Variants in PIEZO2 observed in about 807,000 individuals in gnomAD.
PIEZO2 encodes the protein piezo-type mechanosensitive ion channel component 2.
In PIEZO2, 172 loss-of-function variants were observed where a neutral mutation model predicts 337.3. The ratio of observed to expected loss-of-function variants is 0.51; its 90% CI spans 0.45 to 0.58. PIEZO2 has a LOEUF of 0.58. PIEZO2 is among the 20% of genes least tolerant of loss of function. The pLI is 0.00. For missense variants in PIEZO2, 3,028 were observed against 3,391.3 expected (o/e 0.89, Z 2.66); for synonymous variants, 1,251 against 1,228.5 (o/e 1.02, Z -0.38).
At chr18:10,838,153 T>C (rs2144586780) in intron 7 of PIEZO2, among the ~76,000 whole-genome samples, 1 of 152,328 alleles carries the variant, frequency 6.6e-6, no homozygotes, top group South Asian at 2.1e-4. Flanking sequence ...CTCCATTTCT[T>C]GTGGCATCCC....
At position 10,993,513 on chromosome 18, in the gene PIEZO2, T is replaced by TTTGTTG. The variant is rs143536796; in HGVS notation, c.161-13859_161-13854dup. On this transcript the variant is annotated intron_variant, in intron 2 of 55. Coordinates refer to ENST00000674853, the MANE Select transcript of PIEZO2 (RefSeq NM_001378183.1). This position sits in a 1 kb window ranked among gnomAD's most constrained non-coding sequence, Gnocchi z 5.0. The stretch of plus-strand genomic sequence containing the variant: ...TTCTGTTTATGTGATAGATTACGTT[T>TTTGTTG]TTGTTGTTGTTGTTGTTGTTGTTGT... 5.7e-4 allele frequency among the ~76,000 whole-genome samples: 86 copies of TTTGTTG among 151,728 alleles called. No homozygotes were observed. Among genetic ancestry groups the TTTGTTG allele is most frequent in the African/African-American group, 1.6e-3 (67 of 41,324 alleles).
chr18:10,946,339 C>T (rs2145283501), intron 3 of PIEZO2, among the ~76,000 whole-genome samples: 1 of 152,148 alleles, frequency 6.6e-6, no homozygotes. Flanking sequence ...AGGAGAAAAA[C>T]AAAATATATG....
intron 1 of PIEZO2, among the ~76,000 whole-genome samples, chr18:11,086,039 C>T (rs184538289): frequency 1.3e-4 from 20 of 152,104 alleles, no homozygotes; most frequent in African/African-American, 3.9e-4. Flanking sequence ...AATAAATATA[C>T]GTTGTATGTA....
intron 11 of PIEZO2, among the ~76,000 whole-genome samples, chr18:10,799,972 CAAA>C (rs34096733): frequency 1.3e-3 from 162 of 128,252 alleles, no homozygotes; most frequent in East Asian, 5.5e-3. Flanking sequence ...GACTCTGTCT[CAAA>C]AAAAAAAAAA....
At chr18:11,064,449 C>CT (rs977476583) in intron 2 of PIEZO2, among the ~76,000 whole-genome samples, 63 of 152,148 alleles carry the variant, frequency 4.1e-4, no homozygotes, top group African/African-American at 1.5e-3. Context: ...TGTTTGTGCT[C>CT]TGTTTGTGCA....
At chr18:10,887,065 C>CTTTTTTT (rs143421507) in intron 4 of PIEZO2, among the ~76,000 whole-genome samples, 2 of 91,406 alleles carry the variant, frequency 2.2e-5, no homozygotes, top group African/African-American at 4.4e-5. Flanking sequence ...AGGTGACACA[C>CTTTTTTT]TTTTTTTTTT....
intron 23 of PIEZO2, among the ~76,000 whole-genome samples, chr18:10,761,793 T>C (rs2038145744): frequency 6.6e-6 from 1 of 152,208 alleles, no homozygotes; most frequent in African/African-American, 2.4e-5. Context: ...GGCTGCTTAA[T>C]ACATTTAAAA....
At chr18:11,076,689 C>T (rs1048886087) in intron 1 of PIEZO2, among the ~76,000 whole-genome samples, 44 of 152,158 alleles carry the variant, frequency 2.9e-4, no homozygotes, top group African/African-American at 8.2e-4. Context: ...ATATATATAA[C>T]TTCACATCAT....
chr18:10,694,843 A>G (rs912008662), intron 47 of PIEZO2, among the ~76,000 whole-genome samples: 1 of 62,264 alleles, frequency 1.6e-5, no homozygotes, highest in Non-Finnish European at 3.9e-5. Context: ...CCTAAAAACA[A>G]TAAATAAATA....
At position 10,726,649 on chromosome 18, in the gene PIEZO2, C is replaced by T; in HGVS notation, c.5029+4758G>A. On this transcript the variant is annotated intron_variant, in intron 36 of 55. Transcript: ENST00000674853. The surrounding 1 kb of genome is among the most constrained non-coding windows in gnomAD (Gnocchi z 5.9). ...CTGGGAGTACTGCGCGCGCGCCAAG[C>T]GCGGCCAGACAGACACCTCGCTGCC... 7 of 1,408,358 alleles carry T rather than the reference C, an allele frequency of 5.0e-6. No individual in the cohort carries two copies. Among genetic ancestry groups the T allele is most frequent in the Non-Finnish European group, 6.7e-6 (7 of 1,038,542 alleles). The allele number at this position is 1,408,358 out of a possible 1,614,324, so 87.2% of individuals were successfully genotyped here. A position where few individuals can be genotyped will look rare whatever the true frequency, so the allele number is the denominator to read the frequency against.
intron 37 of PIEZO2, among the ~76,000 whole-genome samples, chr18:10,717,445 C>T (rs544356151): frequency 5.6e-4 from 80 of 142,194 alleles, no homozygotes; most frequent in African/African-American, 1.1e-3. Context: ...AAGAGCCTGA[C>T]GCCTGGCCTG....
At chr18:10,745,690 T>C (rs2037395216) in intron 30 of PIEZO2, among the ~76,000 whole-genome samples, 1 of 152,186 alleles carries the variant, frequency 6.6e-6, no homozygotes, top group Admixed American at 6.6e-5. Context: ...TTGCCATCTC[T>C]CAAACCTGAA....
rs2040882747 is a variant in PIEZO2 at position 11,148,977 on chromosome 18, CAAG to C, written c.-392_-390del. 3.3e-5 allele frequency among the ~76,000 whole-genome samples: 5 copies of C among 152,156 alleles called. No individual in the cohort carries two copies. In the East Asian group the frequency reaches 9.7e-4, roughly 30 times the overall value. ...GAGGCGGCGCGGCGAGCAAAGGGGGCAAGAAGGGCGTGCTGTGCTCCCGCCTGG... is the reference window on the plus strand; with the variant it reads ...GAGGCGGCGCGGCGAGCAAAGGGGGCAAGGGCGTGCTGTGCTCCCGCCTGG... On this transcript the variant is annotated 5_prime_UTR_variant, in exon 1 of 56. Coordinates refer to ENST00000674853, the MANE Select transcript of PIEZO2 (RefSeq NM_001378183.1). The surrounding 1 kb of genome is among the most constrained non-coding windows in gnomAD (Gnocchi z 5.2).
chr18:10,691,796 TATATAGAG>T (rs2034857761), intron 47 of PIEZO2, among the ~76,000 whole-genome samples: 1 of 58,454 alleles, frequency 1.7e-5, no homozygotes, highest in Non-Finnish European at 3.4e-5. Context: ...TATATATATA[TATATAGAG>T]AGAGAGAGAG....
rs1320112557 is a variant in PIEZO2 at position 11,126,866 on chromosome 18, A to G, written c.64+21659T>C. ...CTGCATTTTACAGATGAGGAAACAG[A>G]GACTGAAATGAATGGAGGAATGAAT... On this transcript the variant is annotated intron_variant, in intron 1 of 55. Transcript: ENST00000674853. The surrounding 1 kb of genome is among the most constrained non-coding windows in gnomAD (Gnocchi z 4.6). Among the ~76,000 whole-genome samples, 1 of 152,096 alleles carries G rather than the reference A, an allele frequency of 6.6e-6. No homozygotes were observed. Among genetic ancestry groups the G allele is most frequent in the African/African-American group, 2.4e-5 (1 of 41,416 alleles).
chr18:11,032,809 G>T lies in PIEZO2; in HGVS notation c.160+33318C>A, dbSNP rs917281174. Among the ~76,000 whole-genome samples the T allele has an allele frequency of 1.3e-5, 2 of 152,130 alleles. No individual in the cohort carries two copies. The highest frequency in any genetic ancestry group is 4.8e-5 in the African/African-American group (2 of 41,434). ...CCTTAAAAGCTTTTGAAGTCAGATC[G>T]ATAAGAACTCTTTTGGACCTCGCCT... On this transcript the variant is annotated intron_variant, in intron 2 of 55. Coordinates refer to ENST00000674853, the MANE Select transcript of PIEZO2 (RefSeq NM_001378183.1). This position sits in a 1 kb window ranked among gnomAD's most constrained non-coding sequence, Gnocchi z 4.9.
rs911594577 is a variant in PIEZO2, at chr18:10,878,229, C to T, written c.330-6814G>A. Among the ~76,000 whole-genome samples the T allele has an allele frequency of 6.6e-6, 1 of 152,220 alleles. No individual in the cohort carries two copies. Among genetic ancestry groups the T allele is most frequent in the African/African-American group, 2.4e-5 (1 of 41,446 alleles). ...TGGTAGATGGTGCAGTGTAAACCAT[C>T]AGTAAAGGCTGGCTGGATGCATGCT... On this transcript the variant is annotated intron_variant, in intron 4 of 55. Coordinates refer to ENST00000674853, the MANE Select transcript of PIEZO2 (RefSeq NM_001378183.1). This position sits in a 1 kb window ranked among gnomAD's most constrained non-coding sequence, Gnocchi z 4.3.
Position 11,009,604 on chromosome 18 carries a change from A to G in PIEZO2, c.161-29944T>C, listed in dbSNP as rs1297687772. 1.3e-5 allele frequency among the ~76,000 whole-genome samples: 2 copies of G among 152,208 alleles called. No individual in the cohort carries two copies. Among genetic ancestry groups the G allele is most frequent in the Non-Finnish European group, 2.9e-5 (2 of 68,036 alleles). On this transcript the variant is annotated intron_variant, in intron 2 of 55. Transcript: ENST00000674853. The surrounding 1 kb of genome is among the most constrained non-coding windows in gnomAD (Gnocchi z 4.6). ...ATTACACTTCTTTGGTATCATACGA[A>G]GTAATAATATATGTGGGCACTATAA... is the stretch of plus-strand genomic sequence containing the variant.
Position 11,128,606 on chromosome 18 carries a change from G to A in PIEZO2, c.64+19919C>T, listed in dbSNP as rs2040254575. 6.6e-6 allele frequency among the ~76,000 whole-genome samples: 1 copy of A among 152,144 alleles called. No homozygotes were observed. The highest frequency in any genetic ancestry group is 2.4e-5 in the African/African-American group (1 of 41,412). On this transcript the variant is annotated intron_variant, in intron 1 of 55. Transcript: ENST00000674853. This position sits in a 1 kb window ranked among gnomAD's most constrained non-coding sequence, Gnocchi z 4.1. The stretch of plus-strand genomic sequence containing the variant: ...CATCAGCCTTTCCACCTTTGTCTGA[G>A]GACATAAACCCTGCGCTGCCTGAGG...
Sources: allele counts gnomAD v4.1 joint callset (sites outside exome capture counted in the v4.1 genomes callset), GRCh38; gene constraint gnomAD v4.1.1; non-coding constraint Gnocchi (gnomAD v3.1); transcripts MANE v1.5; gene names NCBI Gene and HGNC (gene_info 2026-07-23, HGNC 2026-07-21).